Variants in SLC30A7 observed in about 807,000 individuals in gnomAD.
SLC30A7 encodes the protein zinc transporter 7.
SLC30A7 carries 35 observed loss-of-function variants against 46.0 expected under a neutral mutation model. The ratio of observed to expected loss-of-function variants is 0.76; its 90% confidence interval spans 0.58 to 1.01. SLC30A7 has a LOEUF of 1.01. Among genes scored for constraint, SLC30A7 ranks in the 50% least tolerant of loss-of-function variants. SLC30A7 has a pLI of 0.00. For missense variants in SLC30A7, 464 were observed against 451.1 expected (o/e 1.03, Z -0.26); for synonymous variants, 147 against 157.8 (o/e 0.93, Z 0.51).
chr1:100,987,044 TG>T, the SLC30A7 span, among the ~76,000 whole-genome samples: 1 of 152,200 alleles, frequency 6.6e-6, no homozygotes, highest in African/African-American at 2.4e-5. Context: ...TCATTTAAAT[TG>T]AGGTTAAGTT....
chr1:100,961,882 C>T lies in SLC30A7; in HGVS notation c.897C>T (p.Pro299=). 6.2e-7 allele frequency: 1 copy of T among 1,607,446 alleles called. No homozygotes were observed. The highest frequency in any genetic ancestry group is 1.3e-5 in the African/African-American group (1 of 74,756). Reference sequence around the variant, plus strand: ...GAATATTAATGCAGAGAACTCCTCCCCTATTAGAAAATAGTCTGCCTCAGT... The same window carrying T: ...GAATATTAATGCAGAGAACTCCTCCTCTATTAGAAAATAGTCTGCCTCAGT... ...SVGILMQRTP[P]LLENSLPQCY... The change falls in exon 9 of 11, where the codon CCC becomes CCT. Residue 299 remains proline (P), a synonymous_variant. Transcript: ENST00000357650.
chr1:100,990,145 G>A, the SLC30A7 span: 9 of 443,410 alleles, frequency 2.0e-5, no homozygotes, highest in Non-Finnish European at 3.7e-5. Flanking sequence ...CACGGTGGAA[G>A]GCACCTCTTC....
chr1:100,966,566 A>G (rs1481608326), intron 10 of SLC30A7, among the ~76,000 whole-genome samples: 1 of 152,170 alleles, frequency 6.6e-6, no homozygotes, highest in African/African-American at 2.4e-5. Flanking sequence ...AGCCTGGGCG[A>G]CAGAGCAAGA....
chr1:100,922,675 C>T (rs1430774389), intron 8 of SLC30A7, among the ~76,000 whole-genome samples: 1 of 152,114 alleles, frequency 6.6e-6, no homozygotes, highest in Non-Finnish European at 1.5e-5. Context: ...TTTCCTACTA[C>T]AGGGACAATG....
At chr1:100,941,592 C>G in intron 8 of SLC30A7, 1 of 581,776 alleles carries the variant, frequency 1.7e-6, no homozygotes, top group Admixed American at 1.9e-5. Context: ...TTAAAATAAT[C>G]TCTTAGGTGA....
intron 1 of SLC30A7, 45 bp downstream of exon 1, chr1:100,896,387 G>T (rs772111868): frequency 6.2e-7 from 1 of 1,601,418 alleles, no homozygotes; most frequent in South Asian, 1.1e-5. Flanking sequence ...CGGCAGAAAG[G>T]GAGAAGGCCC....
At chr1:100,963,976 A>G (rs1655693939) in intron 9 of SLC30A7, among the ~76,000 whole-genome samples, 1 of 152,168 alleles carries the variant, frequency 6.6e-6, no homozygotes, top group Non-Finnish European at 1.5e-5. Context: ...CTCTGAGGGA[A>G]TGCAGAAATG....
intron 8 of SLC30A7, among the ~76,000 whole-genome samples, chr1:100,931,296 T>A (rs11578366): frequency 0.28 from 42,463 of 152,052 alleles, 6,072 homozygotes; most frequent in Middle Eastern, 0.36. Flanking sequence ...AAGTATATTT[T>A]AAAAATTCCT....
At chr1:100,960,171 ATC>A (rs1655459789) in intron 8 of SLC30A7, among the ~76,000 whole-genome samples, 1 of 152,068 alleles carries the variant, frequency 6.6e-6, no homozygotes, top group East Asian at 1.9e-4. Context: ...TTTTTTAGTA[ATC>A]TGTTTGTCCT....
chr1:100,953,264 T>C (rs1479175081), intron 8 of SLC30A7, among the ~76,000 whole-genome samples: 2 of 152,208 alleles, frequency 1.3e-5, no homozygotes, highest in African/African-American at 4.8e-5. Context: ...CAGGTAGTTT[T>C]TTATAGCAGT....
At chr1:100,940,823 ATAAT>A (rs1254658656) in intron 8 of SLC30A7, among the ~76,000 whole-genome samples, 2 of 152,218 alleles carry the variant, frequency 1.3e-5, no homozygotes, top group African/African-American at 4.8e-5. Context: ...TAATTGTTAC[ATAAT>A]TAATCACAAA....
the SLC30A7 span, among the ~76,000 whole-genome samples, chr1:100,988,084 G>A: frequency 1.6e-4 from 25 of 151,962 alleles, no homozygotes; most frequent in East Asian, 3.9e-4. Flanking sequence ...GAGTCTTCCC[G>A]GGGCATGCAC....
chr1:100,974,916 C>A lies in SLC30A7; in HGVS notation c.*59C>A. 7.3e-7 allele frequency: 1 copy of A among 1,363,020 alleles called. No individual in the cohort carries two copies. Among genetic ancestry groups the A allele is most frequent in the Non-Finnish European group, 1.0e-6 (1 of 978,632 alleles). The allele number at this position is 1,363,020 out of a possible 1,614,324, so 84.4% of individuals were successfully genotyped here. A position where few individuals can be genotyped will look rare whatever the true frequency, so the allele number is the denominator to read the frequency against. ...CAAATTTTTCTGGTACTGTACGATC[C>A]AAAACATTGTACCCAGCTTTTTAAA... On this transcript the variant is annotated 3_prime_UTR_variant, in exon 11 of 11. Transcript: ENST00000357650.
At chr1:100,899,850 C>T (rs1001921360) in intron 2 of SLC30A7, among the ~76,000 whole-genome samples, 1 of 150,642 alleles carries the variant, frequency 6.6e-6, no homozygotes, top group African/African-American at 2.4e-5. Context: ...TACCTGGATG[C>T]TAACACACAA....
At chr1:100,967,837 A>G (rs892098516) in intron 10 of SLC30A7, among the ~76,000 whole-genome samples, 8 of 152,230 alleles carry the variant, frequency 5.3e-5, no homozygotes, top group African/African-American at 1.4e-4. Context: ...GGGGAAAAAA[A>G]GCAACCACAA....
chr1:100,915,432 T>C (rs980972611), intron 6 of SLC30A7, among the ~76,000 whole-genome samples: 1 of 152,082 alleles, frequency 6.6e-6, no homozygotes, highest in Non-Finnish European at 1.5e-5. Flanking sequence ...ATATTTCCCC[T>C]TTTCCAACTT....
chr1:100,991,418 A>T, the SLC30A7 span, among the ~76,000 whole-genome samples: 2 of 152,236 alleles, frequency 1.3e-5, no homozygotes, highest in East Asian at 3.8e-4. Flanking sequence ...TTATGGATAT[A>T]GAACATCCTT....
chr1:100,930,954 A>G (rs889044270), intron 8 of SLC30A7, among the ~76,000 whole-genome samples: 2 of 152,134 alleles, frequency 1.3e-5, no homozygotes, highest in African/African-American at 4.8e-5. Context: ...GGAATTATTA[A>G]CTTCTTACCT....
intron 8 of SLC30A7, among the ~76,000 whole-genome samples, chr1:100,940,259 C>T (rs570893993): frequency 6.6e-6 from 1 of 152,202 alleles, no homozygotes; most frequent in Non-Finnish European, 1.5e-5. Context: ...TACCCGGAAA[C>T]ATTTCAAATG....
Sources: allele counts gnomAD v4.1 joint callset (sites outside exome capture counted in the v4.1 genomes callset), GRCh38; gene constraint gnomAD v4.1.1; transcripts MANE v1.5; gene names NCBI Gene and HGNC (gene_info 2026-07-23, HGNC 2026-07-21).